MBLAC2: variants seen among roughly 807,000 people sequenced by gnomAD.
MBLAC2 encodes acyl-coenzyme A thioesterase MBLAC2.
Under a neutral mutation model 23.3 loss-of-function variants are expected in MBLAC2, and 24 were observed. That is an observed-to-expected ratio of 1.03 (90% CI 0.75 to 1.45). The LOEUF (loss-of-function observed/expected upper bound fraction) is 1.45. Among genes scored for constraint, MBLAC2 ranks in the 40% most tolerant of loss-of-function variants. The pLI is 0.00. For synonymous variants in MBLAC2, 162 were observed against 150.9 expected, an observed-to-expected ratio of 1.07 and a Z score of -0.54; for missense variants, 358 against 370.0, an observed-to-expected ratio of 0.97 and a Z score of 0.27.
At chr5:90,471,366 C>T (rs1750546272) in intron 1 of MBLAC2, among the ~76,000 whole-genome samples, 1 of 152,166 alleles carries the variant, frequency 6.6e-6, no homozygotes, top group Non-Finnish European at 1.5e-5. Flanking sequence ...AACTTTGTAT[C>T]ACTTGACTAT....
rs763153818 is a variant in MBLAC2, at chr5:90,473,849, G to A, written c.444C>T (p.Ile148=). ...GCGGGGGCCCATTACCATCCTGCAG[G>A]ATGAGGGTGGGCTGCACCGCCTGTA... is the stretch of plus-strand genomic sequence containing the variant. The part of the protein sequence containing the change: ...FRVQAVQPTL[I]LQDGDVINLG... The change falls in exon 1 of 2, where the codon ATC becomes ATT. Residue 148 remains isoleucine, a synonymous_variant. Coordinates refer to ENST00000316610, the MANE Select transcript of MBLAC2 (RefSeq NM_203406.2). The A allele has an allele frequency of 1.3e-5, 20 of 1,583,508 alleles. No homozygotes were observed. Among genetic ancestry groups the A allele is most frequent in the Middle Eastern group, 1.7e-4 (1 of 6,034 alleles).
chr5:90,466,019 G>A (rs189005315), intron 1 of MBLAC2, among the ~76,000 whole-genome samples: 3 of 152,250 alleles, frequency 2.0e-5, no homozygotes, highest in Non-Finnish European at 1.5e-5. Flanking sequence ...ACCTAGAATA[G>A]CCAATACAAT....
At position 90,474,445 on chromosome 5, in the gene MBLAC2, G is replaced by C; in HGVS notation, c.-153C>G. The C allele has an allele frequency of 1.5e-6, 1 of 686,288 alleles. No homozygotes were observed. The highest frequency in any genetic ancestry group is 2.5e-6 in the Non-Finnish European group (1 of 404,048). 42.5% of individuals were successfully genotyped at this position (686,288 alleles called of 1,614,324 possible). On this transcript the variant is annotated 5_prime_UTR_variant, in exon 1 of 2. Transcript: ENST00000316610. ...GCGGGGGCGTGGGATGCGGGGGTCGGAATAGGAGGAGGAAGGACGCAGACC... is the reference window on the plus strand; with the variant it reads ...GCGGGGGCGTGGGATGCGGGGGTCGCAATAGGAGGAGGAAGGACGCAGACC...
chr5:90,468,951 T>C lies in MBLAC2; in HGVS notation c.454+4888A>G, dbSNP rs1346020469. 6.6e-5 allele frequency among the ~76,000 whole-genome samples: 10 copies of C among 152,166 alleles called. No homozygotes were observed. The South Asian group carries it at 8.3e-4, about 13-fold the overall frequency. On this transcript the variant is annotated intron_variant, in intron 1 of 1. Coordinates refer to ENST00000316610, the MANE Select transcript of MBLAC2 (RefSeq NM_203406.2). ...AAAGCAGTGCTAAGAGGAAAGTTCA[T>C]AGCATTAAATGCCTACATCAAAAAG...
chr5:90,468,112 C>CA (rs145180119), intron 1 of MBLAC2, among the ~76,000 whole-genome samples: 1,789 of 152,266 alleles, frequency 0.012, 36 homozygotes, highest in African/African-American at 0.041. Context: ...TTTTTTCTCA[C>CA]AGCTCTTAAG....
intron 1 of MBLAC2, chr5:90,473,607 G>C: frequency 3.0e-6 from 2 of 669,818 alleles, no homozygotes; most frequent in East Asian, 5.4e-5. Flanking sequence ...TTTCAAAGGA[G>C]TACTCAGAAT....
At chr5:90,473,749 G>GGCC (rs1487180419) in intron 1 of MBLAC2, 90 bp downstream of exon 1, 1 of 1,276,620 alleles carries the variant, frequency 7.8e-7, no homozygotes, top group African/African-American at 1.5e-5. Flanking sequence ...TCCCCTTTAT[G>GGCC]GCCACGCAAG....
In MBLAC2 at chr5:90,466,983, C is replaced by T. The variant is rs542050890; in HGVS notation, c.455-5431G>A. On this transcript the variant is annotated intron_variant, in intron 1 of 1. Coordinates refer to ENST00000316610, the MANE Select transcript of MBLAC2 (RefSeq NM_203406.2). Reference sequence around the variant, plus strand: ...TGAGACCCCATCTCTACCAAAAACACAAAATTCACCAGAGGTGGTGGTGCA... The same window carrying T: ...TGAGACCCCATCTCTACCAAAAACATAAAATTCACCAGAGGTGGTGGTGCA... 1.1e-3 allele frequency among the ~76,000 whole-genome samples: 174 copies of T among 152,164 alleles called. 1 individual carries two copies. The highest frequency in any genetic ancestry group is 4.0e-3 in the African/African-American group (167 of 41,514).
Position 90,474,480 on chromosome 5 carries a change from C to T in MBLAC2, c.-188G>A, listed in dbSNP as rs1371693206. The T allele has an allele frequency of 1.7e-6, 1 of 598,750 alleles. No individual in the cohort carries two copies. The highest frequency in any genetic ancestry group is 2.9e-6 in the Non-Finnish European group (1 of 341,234). The allele number at this position is 598,750 out of a possible 1,614,324, so 37.1% of individuals were successfully genotyped here. A position where few individuals can be genotyped will look rare whatever the true frequency, so the allele number is the denominator to read the frequency against. ...AGGAAGGACGCAGACCGACGCTGCC[C>T]GTAGCGTGCGCTCCCGCACCCTTCC... On this transcript the variant is annotated 5_prime_UTR_variant, in exon 1 of 2. Transcript: ENST00000316610.
At chr5:90,466,836 CAA>C (rs1176505863) in intron 1 of MBLAC2, among the ~76,000 whole-genome samples, 1 of 152,040 alleles carries the variant, frequency 6.6e-6, no homozygotes, top group East Asian at 1.9e-4. Context: ...TTGACAAAAC[CAA>C]GTGTTGAAAA....
intron 1 of MBLAC2, among the ~76,000 whole-genome samples, chr5:90,471,018 T>C (rs757071733): frequency 4.6e-5 from 7 of 152,168 alleles, no homozygotes; most frequent in Non-Finnish European, 1.0e-4. Flanking sequence ...TTCCTGAGTT[T>C]TTTAAGGCTT....
chr5:90,469,563 C>G (rs1403362838), intron 1 of MBLAC2, among the ~76,000 whole-genome samples: 1 of 152,008 alleles, frequency 6.6e-6, no homozygotes, highest in African/African-American at 2.4e-5. Flanking sequence ...TCTTATCCCC[C>G]TGATGATATT....
chr5:90,473,627 A>G (rs2151893356), intron 1 of MBLAC2: 1 of 688,122 alleles, frequency 1.5e-6, no homozygotes, highest in South Asian at 1.5e-5. Flanking sequence ...TCTCTACACG[A>G]TGCCAGAGCT....
intron 1 of MBLAC2, among the ~76,000 whole-genome samples, chr5:90,467,611 T>A (rs1750470447): frequency 6.6e-6 from 1 of 152,208 alleles, no homozygotes; most frequent in African/African-American, 2.4e-5. Flanking sequence ...ACTTGGTTGG[T>A]GAATTCTTAT....
At position 90,458,551 on chromosome 5, in the gene MBLAC2, T is replaced by C. The variant is rs1750303912; in HGVS notation, c.*2616A>G. 1 of 152,190 alleles carries C rather than the reference T, an allele frequency of 6.6e-6. No homozygotes were observed. The allele number at this position is 152,190 out of a possible 1,614,324, so 9.4% of individuals were successfully genotyped here. On this transcript the variant is annotated 3_prime_UTR_variant, in exon 2 of 2. Transcript: ENST00000316610. ...AAGGGTCACTGTCAGGGTGAAAATA[T>C]ATTTTGAAAAGCTTTTTAAAGATAT... is the stretch of plus-strand genomic sequence containing the variant.
intron 1 of MBLAC2, chr5:90,472,052 C>T (rs1561240949): frequency 1.3e-5 from 2 of 152,154 alleles, no homozygotes; most frequent in Admixed American, 6.5e-5. Context: ...GTTCTAGTCC[C>T]AGCTCTTTCC....
intron 1 of MBLAC2, chr5:90,472,706 T>C (rs1456581106): frequency 6.6e-6 from 1 of 152,202 alleles, no homozygotes; most frequent in Non-Finnish European, 1.5e-5. Flanking sequence ...ACCACATTGG[T>C]AATTAAAATG....
intron 1 of MBLAC2, chr5:90,473,582 G>C (rs1369321482): frequency 4.6e-6 from 3 of 655,644 alleles, no homozygotes; most frequent in African/African-American, 1.8e-5. Flanking sequence ...TGGCTAGGGA[G>C]GGGGTGGTGC....
intron 1 of MBLAC2, among the ~76,000 whole-genome samples, chr5:90,470,963 T>C (rs1392647022): frequency 1.3e-5 from 2 of 152,206 alleles, no homozygotes; most frequent in Non-Finnish European, 2.9e-5. Context: ...AAATTCTGCT[T>C]ACTCTTCCCT....
Sources: allele counts gnomAD v4.1 joint callset (sites outside exome capture counted in the v4.1 genomes callset), GRCh38; gene constraint gnomAD v4.1.1; transcripts MANE v1.5; gene names NCBI Gene and HGNC (gene_info 2026-07-23, HGNC 2026-07-21).